The following FBN1 variants were observed in gnomAD, a reference collection of about 807,000 sequenced individuals.
The protein encoded by FBN1 is fibrillin 1, also known as fibrillin-1.
In FBN1, 29 loss-of-function variants were observed where a neutral mutation model predicts 365.1. The ratio of observed to expected loss-of-function variants is 0.08; its 90% CI spans 0.06 to 0.11. FBN1 has a LOEUF of 0.11. Among genes scored for constraint, FBN1 ranks in the 10% least tolerant of loss-of-function variants. The pLI is 1.00. For synonymous variants in FBN1, 1,210 were observed against 1,270.5 expected (o/e 0.95, Z 1.01); for missense variants, 2,476 against 3,703.2 (o/e 0.67, Z 8.60).
intron 51 of FBN1, 189 bp downstream of exon 51, chr15:48,437,579 G>A: frequency 6.3e-6 from 5 of 795,798 alleles, no homozygotes; most frequent in Non-Finnish European, 6.1e-6. Context: ...GGGCATCTGT[G>A]ATTCATGACA....
At chr15:48,519,281 C>A (rs2043831039) in intron 10 of FBN1, among the ~76,000 whole-genome samples, 1 of 152,164 alleles carries the variant, frequency 6.6e-6, no homozygotes, top group Non-Finnish European at 1.5e-5. Context: ...TGTATATATT[C>A]ATTGTGCACA....
At chr15:48,421,424 C>T (rs1464010033) in intron 62 of FBN1, 134 bp downstream of exon 62, 23 of 1,031,856 alleles carry the variant, frequency 2.2e-5, no homozygotes, top group Non-Finnish European at 3.1e-5. Context: ...GACCTGTGCA[C>T]ACTATTTTAG....
chr15:48,639,123 G>A (rs1890153052), intron 2 of FBN1, among the ~76,000 whole-genome samples: 1 of 152,136 alleles, frequency 6.6e-6, no homozygotes, highest in Admixed American at 6.5e-5. Flanking sequence ...TTTTACCAAT[G>A]TCTTGGGCCT....
chr15:48,534,134 C>G lies in FBN1; in HGVS notation c.808G>C (p.Glu270Gln), dbSNP rs2043994842. Residue 270 changes from glutamate (E) to glutamine (Q), a missense_variant, in exon 8 of 66, where the codon GAG becomes CAG. Glu to Gln is a conservative substitution (Grantham distance 29). Around this residue, in one of 5 missense-constraint regions of FBN1, gnomAD observed 421 missense variants for 520.1 expected, o/e 0.81. Coordinates refer to ENST00000316623, the MANE Select transcript of FBN1 (RefSeq NM_000138.5). ...GNCINTVGSF[E>Q]CKCPAGHKLN... ...TTGTGTCCAGCAGGGCATTTGCACTCAAAAGACCCAACAGTATTAATGCAA... is the reference window on the plus strand; with the variant it reads ...TTGTGTCCAGCAGGGCATTTGCACTGAAAAGACCCAACAGTATTAATGCAA... 3 of 1,613,192 alleles carry G rather than the reference C, an allele frequency of 1.9e-6. No individual in the cohort carries two copies. Among genetic ancestry groups the G allele is most frequent in the Non-Finnish European group, 2.5e-6 (3 of 1,179,786 alleles).
intron 37 of FBN1, 74 bp from the exon 38 acceptor site, chr15:48,468,176 AG>A: frequency 6.4e-7 from 1 of 1,572,546 alleles, no homozygotes; most frequent in South Asian, 1.1e-5. Flanking sequence ...AACCCACTTC[AG>A]GAACTGTTCA....
intron 6 of FBN1, among the ~76,000 whole-genome samples, chr15:48,561,298 T>C (rs529340463): frequency 6.6e-6 from 1 of 152,322 alleles, no homozygotes; most frequent in Admixed American, 6.5e-5. Context: ...TATGTGTTTT[T>C]GTAGCCTGGG....
chr15:48,516,187 T>C lies in FBN1; in HGVS notation c.1323A>G (p.Pro441=), dbSNP rs202030761. The C allele has an allele frequency of 1.5e-4, 238 of 1,613,650 alleles. No individual in the cohort carries two copies. Among genetic ancestry groups the C allele is most frequent in the Non-Finnish European group, 1.9e-4 (221 of 1,179,756 alleles). Residue 441 remains proline, a synonymous_variant, in exon 11 of 66, where the codon CCA becomes CCG. Transcript: ENST00000316623. ...AGATGATTTTTGAATTCTTACTTGG[T>C]GGCTCCCGAGATGGATACAGATATT... ...PVEYLYPSRE[P]PRVLPVNVTD... is the part of the protein sequence containing the mutation.
chr15:48,516,036 T>G (rs1208506541), intron 11 of FBN1, 147 bp downstream of exon 11: 1 of 755,838 alleles, frequency 1.3e-6, no homozygotes, highest in East Asian at 2.7e-5. Context: ...ATACATATGA[T>G]ATAGATATAG....
At chr15:48,508,270 T>C (rs2043727632) in intron 15 of FBN1, among the ~76,000 whole-genome samples, 1 of 152,140 alleles carries the variant, frequency 6.6e-6, no homozygotes, top group Non-Finnish European at 1.5e-5. Flanking sequence ...GAGGTAGAAC[T>C]CAGCTTCTTG....
At chr15:48,519,079 AAGC>A (rs1488601963) in intron 10 of FBN1, among the ~76,000 whole-genome samples, 1 of 152,088 alleles carries the variant, frequency 6.6e-6, no homozygotes, top group East Asian at 1.9e-4. Flanking sequence ...ATCCACATCA[AAGC>A]TGCTGATTCC....
chr15:48,606,522 T>C (rs145372200), intron 4 of FBN1, among the ~76,000 whole-genome samples: 72 of 152,344 alleles, frequency 4.7e-4, no homozygotes, highest in Non-Finnish European at 9.4e-4. Flanking sequence ...TATATAACAT[T>C]TGTGAAATGA....
chr15:48,644,739 G>A lies in FBN1; in HGVS notation c.31C>T (p.Leu11=). 6.2e-7 allele frequency: 1 copy of A among 1,613,570 alleles called. No individual in the cohort carries two copies. The highest frequency in any genetic ancestry group is 8.5e-7 in the Non-Finnish European group (1 of 1,180,006). Residue 11 remains leucine (L), a synonymous_variant, in exon 2 of 66, where the codon CTG becomes TTG. Transcript: ENST00000316623. The part of the protein sequence containing the change: MRRGRLLEIA[L]GFTVLLASYT... ...GACGCTAAAAGCACGGTAAATCCCA[G>A]GGCGATCTCCAGCAGACGCCCTCGA...
chr15:48,463,361 T>C (rs2043295864), intron 41 of FBN1, 121 bp from the exon 42 acceptor site: 1 of 1,006,200 alleles, frequency 9.9e-7, no homozygotes, highest in African/African-American at 1.6e-5. Flanking sequence ...AGCTTGACTT[T>C]GATAAGGACA....
rs753719657 is a variant in FBN1 at position 48,644,790 on chromosome 15, T to A, written c.-21A>T. On this transcript the variant is annotated 5_prime_UTR_variant, in exon 2 of 66. Coordinates refer to ENST00000316623, the MANE Select transcript of FBN1 (RefSeq NM_000138.5). Reference sequence around the variant, plus strand: ...CGCATGATGCCGAGCCGCCACCGGCTCCCGCCGCCTCTTGCCGCGCCCGGG... The same window carrying A: ...CGCATGATGCCGAGCCGCCACCGGCACCCGCCGCCTCTTGCCGCGCCCGGG... 2 of 1,598,202 alleles carry A rather than the reference T, an allele frequency of 1.3e-6. No individual in the cohort carries two copies. The highest frequency in any genetic ancestry group is 2.2e-5 in the South Asian group (2 of 90,794).
rs140226273 is a variant in FBN1, at chr15:48,501,604, T to C, written c.2113+2183A>G. On this transcript the variant is annotated intron_variant, in intron 17 of 65. Transcript: ENST00000316623. ...TTTTTATAAACCCACATAATTTCCC[T>C]GTGGATTTTAAGAATTCTTTGGAAG... Among the ~76,000 whole-genome samples the C allele has an allele frequency of 4.3e-3, 653 of 152,354 alleles. 5 individuals are homozygous for C. Among genetic ancestry groups the C allele is most frequent in the Middle Eastern group, 0.01 (3 of 294 alleles).
In FBN1 at chr15:48,551,010, A is replaced by T. The variant is rs557397003; in HGVS notation, c.539-13202T>A. Reference sequence around the variant, plus strand: ...GAATGAATGGAGGATGCAAAATGACATATCTTTAAGTTAGTCTAAATCCTT... The same window carrying T: ...GAATGAATGGAGGATGCAAAATGACTTATCTTTAAGTTAGTCTAAATCCTT... On this transcript the variant is annotated intron_variant, in intron 6 of 65. Coordinates refer to ENST00000316623, the MANE Select transcript of FBN1 (RefSeq NM_000138.5). Among the ~76,000 whole-genome samples, 9 of 152,308 alleles carry T rather than the reference A, an allele frequency of 5.9e-5. 1 individual carries two copies. Among genetic ancestry groups the T allele is most frequent in the African/African-American group, 2.2e-4 (9 of 41,548 alleles).
intron 43 of FBN1, among the ~76,000 whole-genome samples, chr15:48,458,702 C>T (rs1414008562): frequency 1.3e-5 from 2 of 152,048 alleles, no homozygotes; most frequent in Admixed American, 1.3e-4. Context: ...TTTTCTTTTC[C>T]TGTCAGGATT....
At chr15:48,424,415 G>A (rs9630422) in intron 60 of FBN1, among the ~76,000 whole-genome samples, 4 of 152,110 alleles carry the variant, frequency 2.6e-5, no homozygotes, top group Non-Finnish European at 4.4e-5. Context: ...TGGATCCTCC[G>A]TGGGGATGTG....
At chr15:48,427,977 G>C (rs769014297) in intron 57 of FBN1, 2 of 698,424 alleles carry the variant, frequency 2.9e-6, no homozygotes, top group Non-Finnish European at 2.6e-6. Context: ...CAGTAAGTAG[G>C]CAGAAAGACA....
Sources: gnomAD v4.1 joint callset for allele counts (sites outside exome capture counted in the v4.1 genomes callset) on GRCh38, gnomAD v4.1.1 for gene constraint, gnomAD v4.1.1 regional missense constraint, MANE v1.5 for transcripts, NCBI Gene and HGNC (gene_info 2026-07-23, HGNC 2026-07-21) for gene names.